The following ULK4 variants were observed in gnomAD, a reference collection of about 807,000 sequenced individuals.
ULK4 encodes unc-51 like kinase 4.
A neutral mutation model predicts 160.6 loss-of-function variants in ULK4; 133 were observed. That is an observed-to-expected ratio of 0.83 (90% CI 0.72 to 0.96). The LOEUF is 0.96. ULK4 is among the 40% of genes least tolerant of loss of function. The pLI, the probability that ULK4 is intolerant of heterozygous loss-of-function variation, is 0.00. For missense variants in ULK4, 1,580 were observed against 1,499.5 expected (o/e 1.05, Z -0.89); for synonymous variants, 534 against 539.8 (o/e 0.99, Z 0.15).
chr3:41,682,895 G>A (rs1160952603), intron 27 of ULK4, among the ~76,000 whole-genome samples: 2 of 152,190 alleles, frequency 1.3e-5, no homozygotes, highest in African/African-American at 4.8e-5. Flanking sequence ...GTTGAATAGT[G>A]TATATCAGGA....
intron 35 of ULK4, among the ~76,000 whole-genome samples, chr3:41,389,036 C>T (rs1018352447): frequency 6.6e-6 from 1 of 151,810 alleles, no homozygotes; most frequent in Non-Finnish European, 1.5e-5. Flanking sequence ...TTCTTTGTAT[C>T]CTCTTTTATT....
At chr3:41,381,944 G>C (rs942568719) in intron 35 of ULK4, among the ~76,000 whole-genome samples, 3 of 151,966 alleles carry the variant, frequency 2.0e-5, no homozygotes, top group African/African-American at 7.3e-5. Flanking sequence ...CTTCCTTATA[G>C]TCCCTAGAAC....
chr3:41,427,073 A>G (rs2082792947), intron 34 of ULK4, among the ~76,000 whole-genome samples: 1 of 152,208 alleles, frequency 6.6e-6, no homozygotes, highest in Admixed American at 6.5e-5. Flanking sequence ...AAAAATGATA[A>G]AGGGGATATC....
At chr3:41,953,656 C>T (rs1366784168) in intron 2 of ULK4, among the ~76,000 whole-genome samples, 1 of 152,142 alleles carries the variant, frequency 6.6e-6, no homozygotes, top group African/African-American at 2.4e-5. Context: ...AAGTCATTAT[C>T]ACCCAGTGTC....
chr3:41,742,743 G>A (rs910822044), intron 22 of ULK4, among the ~76,000 whole-genome samples: 3 of 151,834 alleles, frequency 2.0e-5, no homozygotes, highest in African/African-American at 4.9e-5. Flanking sequence ...TAATGAAATT[G>A]TTTAAAATCT....
At chr3:41,753,194 G>A (rs1477274914) in intron 22 of ULK4, among the ~76,000 whole-genome samples, 3 of 152,146 alleles carry the variant, frequency 2.0e-5, no homozygotes, top group African/African-American at 7.2e-5. Flanking sequence ...ACTCCAGCCT[G>A]GGCAACAGAG....
intron 21 of ULK4, among the ~76,000 whole-genome samples, chr3:41,774,844 T>C (rs113579060): frequency 0.12 from 18,487 of 149,458 alleles, 1,513 homozygotes; most frequent in Middle Eastern, 0.26. Flanking sequence ...CAATGATAGA[T>C]TGGATTAAGA....
At chr3:41,722,399 C>T (rs534128843) in intron 22 of ULK4, among the ~76,000 whole-genome samples, 5 of 152,230 alleles carry the variant, frequency 3.3e-5, no homozygotes, top group East Asian at 3.9e-4. Context: ...GAGGCCATGG[C>T]GGGTGGATCA....
chr3:41,420,603 C>A (rs1397010814), intron 34 of ULK4, among the ~76,000 whole-genome samples: 1 of 148,958 alleles, frequency 6.7e-6, no homozygotes, highest in Non-Finnish European at 1.5e-5. Context: ...CTGCCTTGGC[C>A]TCCCGAGCAG....
At chr3:41,745,906 ATAGAGAAAAAGCAT>A (rs2038403189) in intron 22 of ULK4, among the ~76,000 whole-genome samples, 1 of 151,620 alleles carries the variant, frequency 6.6e-6, no homozygotes, top group Non-Finnish European at 1.5e-5. Context: ...ATATTAATTG[ATAGAGAAAAAGCAT>A]TTGACAAAAT....
At chr3:41,447,033 G>A (rs544438750) in intron 34 of ULK4, among the ~76,000 whole-genome samples, 2 of 132,696 alleles carry the variant, frequency 1.5e-5, no homozygotes, top group South Asian at 2.4e-4. Flanking sequence ...GCAGTTAGCC[G>A]AGATGGCACC....
intron 30 of ULK4, among the ~76,000 whole-genome samples, chr3:41,650,196 A>G (rs1038189455): frequency 4.6e-5 from 7 of 152,174 alleles, no homozygotes; most frequent in Non-Finnish European, 7.3e-5. Context: ...GTCTTGCTCA[A>G]TATACAGTTG....
At chr3:41,706,398 A>T (rs1275082040) in intron 25 of ULK4, among the ~76,000 whole-genome samples, 1 of 144,400 alleles carries the variant, frequency 6.9e-6, no homozygotes, top group Non-Finnish European at 1.5e-5. Context: ...ATATATATTA[A>T]ATATATATAA....
intron 27 of ULK4, among the ~76,000 whole-genome samples, chr3:41,692,107 G>A (rs1203960823): frequency 6.6e-6 from 1 of 150,872 alleles, no homozygotes; most frequent in Non-Finnish European, 1.5e-5. Flanking sequence ...GCCCACCACC[G>A]CCCCCGGCTA....
intron 34 of ULK4, among the ~76,000 whole-genome samples, chr3:41,441,999 T>G (rs1357541728): frequency 6.6e-6 from 1 of 152,224 alleles, no homozygotes; most frequent in Non-Finnish European, 1.5e-5. Flanking sequence ...TTTCTTTTGA[T>G]TAGTGTAACC....
chr3:41,494,768 C>T (rs2084924177), intron 32 of ULK4, among the ~76,000 whole-genome samples: 1 of 152,074 alleles, frequency 6.6e-6, no homozygotes, highest in African/African-American at 2.4e-5. Flanking sequence ...AAATCACAAG[C>T]ATTCTTATAC....
At chr3:41,687,094 G>T (rs955792553) in intron 27 of ULK4, among the ~76,000 whole-genome samples, 2 of 151,738 alleles carry the variant, frequency 1.3e-5, no homozygotes, top group African/African-American at 4.8e-5. Context: ...AATTATTTAG[G>T]CTGGGCGTAG....
intron 16 of ULK4, among the ~76,000 whole-genome samples, chr3:41,893,379 C>T (rs1165125635): frequency 6.6e-6 from 1 of 152,034 alleles, no homozygotes; most frequent in Non-Finnish European, 1.5e-5. Flanking sequence ...AGTTGACTGG[C>T]AAGGATAAAA....
chr3:41,654,168 G>C (rs1024090803), intron 30 of ULK4, among the ~76,000 whole-genome samples: 1 of 152,138 alleles, frequency 6.6e-6, no homozygotes, highest in Non-Finnish European at 1.5e-5. Context: ...CCATTGCAAA[G>C]ATAACATGTA....
Sources: allele counts gnomAD v4.1 joint callset (sites outside exome capture counted in the v4.1 genomes callset), GRCh38; gene constraint gnomAD v4.1.1; transcripts MANE v1.5; gene names NCBI Gene and HGNC (gene_info 2026-07-23, HGNC 2026-07-21).